Variants in DLG2 observed in about 807,000 individuals in gnomAD.
DLG2 encodes disks large homolog 2.
A neutral mutation model predicts 132.5 loss-of-function variants in DLG2; 45 were observed. The ratio of observed to expected loss-of-function variants is 0.34; its 90% CI spans 0.27 to 0.44. The LOEUF is 0.44. DLG2 is among the 20% of genes least tolerant of loss of function. The probability of loss-of-function intolerance (pLI) is 1.00; values close to 1 mark genes in which losing one functional copy is unlikely to be tolerated. For missense variants in DLG2, 1,045 were observed against 1,196.9 expected, an observed-to-expected ratio of 0.87 and a Z score of 1.87; for synonymous variants, 424 against 419.6, an observed-to-expected ratio of 1.01 and a Z score of -0.13.
intron 3 of DLG2, among the ~76,000 whole-genome samples, chr11:85,469,105 A>T (rs533507754): frequency 6.6e-6 from 1 of 152,342 alleles, no homozygotes; most frequent in East Asian, 1.9e-4. Context: ...GAACCATGAA[A>T]GTATTATCAC....
intron 4 of DLG2, among the ~76,000 whole-genome samples, chr11:85,231,727 G>A (rs2075311011): frequency 6.6e-6 from 1 of 151,840 alleles, no homozygotes; most frequent in Non-Finnish European, 1.5e-5. Flanking sequence ...TCTGTTAGGG[G>A]ATGTCTAAGG....
At chr11:83,774,718 G>T (rs895028739) in intron 18 of DLG2, among the ~76,000 whole-genome samples, 1 of 152,146 alleles carries the variant, frequency 6.6e-6, no homozygotes, top group African/African-American at 2.4e-5. Flanking sequence ...GCAGCACAAT[G>T]CTCACTCAAA....
intron 7 of DLG2, among the ~76,000 whole-genome samples, chr11:84,268,457 CCT>C (rs2097673975): frequency 7.3e-6 from 1 of 136,074 alleles, no homozygotes; most frequent in Non-Finnish European, 1.6e-5. Flanking sequence ...AGGTACTTCA[CCT>C]CTTTTTTTTT....
intron 11 of DLG2, among the ~76,000 whole-genome samples, chr11:83,990,651 G>A (rs750826979): frequency 7.9e-5 from 12 of 152,086 alleles, no homozygotes; most frequent in Non-Finnish European, 1.6e-4. Context: ...TATTCTTTGC[G>A]GGTGTAGAGA....
intron 14 of DLG2, among the ~76,000 whole-genome samples, chr11:83,949,170 TA>T (rs1365840899): frequency 6.6e-6 from 1 of 152,120 alleles, no homozygotes; most frequent in African/African-American, 2.4e-5. Flanking sequence ...CTAATGGGTT[TA>T]AAAGCACTGT....
At chr11:84,720,716 C>T (rs889620414) in intron 6 of DLG2, 20 of 152,980 alleles carry the variant, frequency 1.3e-4, no homozygotes, top group African/African-American at 3.9e-4. Context: ...GGAAGCCAGG[C>T]ACTTAGAGGA....
chr11:84,964,199 C>A (rs1290658656), intron 6 of DLG2, among the ~76,000 whole-genome samples: 1 of 151,760 alleles, frequency 6.6e-6, no homozygotes, highest in Non-Finnish European at 1.5e-5. Flanking sequence ...AGAAAAAAAA[C>A]AGAAAAGTAT....
chr11:84,999,883 T>G (rs1033751304), intron 6 of DLG2, among the ~76,000 whole-genome samples: 2 of 152,204 alleles, frequency 1.3e-5, no homozygotes, highest in Non-Finnish European at 2.9e-5. Context: ...CATGTAGAGA[T>G]AAACAAAATG....
intron 6 of DLG2, among the ~76,000 whole-genome samples, chr11:84,941,977 G>C (rs2049498170): frequency 6.6e-6 from 1 of 151,942 alleles, no homozygotes; most frequent in African/African-American, 2.4e-5. Context: ...GGTTCAATCT[G>C]GATAGGTTGT....
intron 4 of DLG2, among the ~76,000 whole-genome samples, chr11:85,238,338 G>T (rs2075704877): frequency 6.6e-6 from 1 of 151,348 alleles, no homozygotes; most frequent in Non-Finnish European, 1.5e-5. Flanking sequence ...CTCCCTCCTG[G>T]GTTCAAGCAA....
intron 6 of DLG2, among the ~76,000 whole-genome samples, chr11:84,540,879 A>G (rs995800910): frequency 3.9e-5 from 6 of 152,216 alleles, no homozygotes; most frequent in African/African-American, 1.4e-4. Flanking sequence ...GGATGAGTTC[A>G]TGTACTTTGT....
chr11:85,389,877 C>T (rs1174327607), intron 3 of DLG2, among the ~76,000 whole-genome samples: 2 of 152,122 alleles, frequency 1.3e-5, no homozygotes, highest in East Asian at 1.9e-4. Flanking sequence ...AATCTTGAAA[C>T]AAATCCTTGA....
intron 7 of DLG2, among the ~76,000 whole-genome samples, chr11:84,380,898 A>C (rs1304885795): frequency 6.6e-6 from 1 of 152,012 alleles, no homozygotes; most frequent in Non-Finnish European, 1.5e-5. Context: ...TATGCTACAT[A>C]AATGGTGTAT....
chr11:85,258,204 C>A (rs10501591), intron 4 of DLG2, among the ~76,000 whole-genome samples: 3,011 of 152,256 alleles, frequency 0.02, 58 homozygotes, highest in Admixed American at 0.037. Context: ...ACTTTTCCTG[C>A]TGTAGAAATA....
chr11:84,927,979 G>T (rs1004463608), intron 6 of DLG2, among the ~76,000 whole-genome samples: 13 of 151,910 alleles, frequency 8.6e-5, no homozygotes, highest in African/African-American at 3.1e-4. Flanking sequence ...AGTAAGCTAA[G>T]GTTTGAGAAT....
chr11:84,909,318 C>T (rs1429499018), intron 6 of DLG2, among the ~76,000 whole-genome samples: 1 of 152,110 alleles, frequency 6.6e-6, no homozygotes, highest in Non-Finnish European at 1.5e-5. Flanking sequence ...TTTTAATTAT[C>T]ATAGCTTTTA....
intron 20 of DLG2, among the ~76,000 whole-genome samples, chr11:83,537,558 T>C (rs575012483): frequency 1.3e-5 from 2 of 152,078 alleles, no homozygotes; most frequent in Non-Finnish European, 2.9e-5. Flanking sequence ...CTTATGCCTG[T>C]AATCCCAGCA....
intron 9 of DLG2, among the ~76,000 whole-genome samples, chr11:84,115,386 A>G (rs2093584415): frequency 6.6e-6 from 1 of 152,212 alleles, no homozygotes; most frequent in Admixed American, 6.5e-5. Flanking sequence ...AGGTGGAGGT[A>G]GGCAAAGGCT....
chr11:84,234,658 C>G (rs1486257750), intron 8 of DLG2, among the ~76,000 whole-genome samples: 1 of 152,168 alleles, frequency 6.6e-6, no homozygotes, highest in Non-Finnish European at 1.5e-5. Context: ...GTTGGACATG[C>G]TTCATTAATC....
Sources: allele counts gnomAD v4.1 joint callset (sites outside exome capture counted in the v4.1 genomes callset), GRCh38; gene constraint gnomAD v4.1.1; transcripts MANE v1.5; gene names NCBI Gene and HGNC (gene_info 2026-07-23, HGNC 2026-07-21).